Variants in PSD3 observed in about 807,000 individuals in gnomAD.
PSD3 encodes the protein pleckstrin and Sec7 domain containing 3.
PSD3 carries 49 observed loss-of-function variants against 105.5 expected under a neutral mutation model. That is an observed-to-expected ratio of 0.46 (90% CI 0.37 to 0.59). The LOEUF is 0.59. Ranked by LOEUF, PSD3 falls within the 20% of genes least tolerant of loss-of-function variation. The probability of loss-of-function intolerance (pLI) is 0.00; values close to 1 mark genes in which losing one functional copy is unlikely to be tolerated. For synonymous variants in PSD3, 557 were observed against 457.8 expected, an observed-to-expected ratio of 1.22 and a Z score of -2.77; for missense variants, 1,561 against 1,263.8, an observed-to-expected ratio of 1.24 and a Z score of -3.57.
At chr8:18,986,189 T>A (rs1203656506) in intron 1 of PSD3, among the ~76,000 whole-genome samples, 3 of 152,130 alleles carry the variant, frequency 2.0e-5, no homozygotes, top group African/African-American at 7.2e-5. Context: ...TGAAATTGGA[T>A]TAACAGTAGA....
In PSD3 at chr8:18,557,449, G is replaced by A. The variant is rs148381677; in HGVS notation, c.2785-1097C>T. On this transcript the variant is annotated intron_variant, in intron 14 of 15. Transcript: ENST00000327040. ...GAAAACGTGTCCAGAAATTATGAGC[G>A]TCACATATAATATCTTACGGACTTT... The A allele has an allele frequency of 2.5e-3, 386 of 153,956 alleles. 1 individual carries two copies. The highest frequency in any genetic ancestry group is 5.2e-3 in the Middle Eastern group (9 of 1,730). 9.5% of individuals were successfully genotyped at this position (153,956 alleles called of 1,614,324 possible). A position where few individuals can be genotyped will look rare whatever the true frequency, so the allele number is the denominator to read the frequency against.
At chr8:18,633,325 T>C (rs947446931) in intron 10 of PSD3, among the ~76,000 whole-genome samples, 7 of 152,042 alleles carry the variant, frequency 4.6e-5, no homozygotes, top group African/African-American at 1.7e-4. Flanking sequence ...GGCTAGTCCC[T>C]AATATTAAAA....
In PSD3 at chr8:18,858,231, G is replaced by A. The variant is rs28629782; in HGVS notation, c.1634+9443C>T. On this transcript the variant is annotated intron_variant, in intron 4 of 15. Transcript: ENST00000327040. Reference sequence around the variant, plus strand: ...TGGTGCCTATAAGAGTTAGGTTTACGCTGTAGTTTCTCAGTGTGCAACGGT... The same window carrying A: ...TGGTGCCTATAAGAGTTAGGTTTACACTGTAGTTTCTCAGTGTGCAACGGT... Among the ~76,000 whole-genome samples, 743 of 152,128 alleles carry A rather than the reference G, an allele frequency of 4.9e-3. 19 individuals carry two copies. Among genetic ancestry groups the A allele is most frequent in the Admixed American group, 0.043 (661 of 15,298 alleles).
chr8:18,946,405 T>C (rs1406266135), intron 1 of PSD3, among the ~76,000 whole-genome samples: 2 of 151,828 alleles, frequency 1.3e-5, no homozygotes, highest in African/African-American at 4.8e-5. Flanking sequence ...GCCAGACCCC[T>C]GTCCAAAAAA....
intron 4 of PSD3, among the ~76,000 whole-genome samples, chr8:18,861,511 G>A (rs1816447012): frequency 1.3e-5 from 2 of 151,904 alleles, no homozygotes; most frequent in Non-Finnish European, 2.9e-5. Context: ...CCTCCAATTT[G>A]ACCTCTTTAT....
chr8:18,547,989 C>A (rs1346393569), intron 15 of PSD3, among the ~76,000 whole-genome samples: 1 of 152,098 alleles, frequency 6.6e-6, no homozygotes, highest in African/African-American at 2.4e-5. Flanking sequence ...TTCTCCCTTC[C>A]TTTTCATTCT....
At chr8:18,749,313 C>T (rs1805286931) in intron 9 of PSD3, among the ~76,000 whole-genome samples, 1 of 152,204 alleles carries the variant, frequency 6.6e-6, no homozygotes. Flanking sequence ...CTCTATAGCA[C>T]CCATCGGAAC....
At chr8:18,776,390 T>G (rs564690283) in intron 8 of PSD3, among the ~76,000 whole-genome samples, 53 of 148,304 alleles carry the variant, frequency 3.6e-4, no homozygotes, top group African/African-American at 8.8e-4. Flanking sequence ...ATAATTTTTT[T>G]TTTTTGTTTT....
chr8:19,027,891 C>T (rs900600193), intron 1 of PSD3, among the ~76,000 whole-genome samples: 1 of 152,168 alleles, frequency 6.6e-6, no homozygotes, highest in African/African-American at 2.4e-5. Context: ...AAATAAAATG[C>T]TATGAACATC....
In PSD3 at chr8:18,629,385, C is replaced by T. The variant is rs143492485; in HGVS notation, c.2410+3228G>A. On this transcript the variant is annotated intron_variant, in intron 11 of 15. Coordinates refer to ENST00000327040, the MANE Select transcript of PSD3 (RefSeq NM_015310.4). ...CTGAAAAGAAATGAAAACATATGTACGTGCAAAAACTTATATGTGAATGTC... is the reference window on the plus strand; with the variant it reads ...CTGAAAAGAAATGAAAACATATGTATGTGCAAAAACTTATATGTGAATGTC... Among the ~76,000 whole-genome samples, 459 of 151,960 alleles carry T rather than the reference C, an allele frequency of 3.0e-3. 4 individuals are homozygous for T. The highest frequency in any genetic ancestry group is 9.9e-3 in the African/African-American group (409 of 41,476).
intron 1 of PSD3, among the ~76,000 whole-genome samples, chr8:19,066,937 T>A (rs1215953677): frequency 2.0e-5 from 3 of 152,244 alleles, no homozygotes; most frequent in Non-Finnish European, 2.9e-5. Flanking sequence ...ATCATTTTTT[T>A]ATTATTTATT....
At chr8:18,899,094 A>G (rs1432242686) in intron 2 of PSD3, among the ~76,000 whole-genome samples, 1 of 152,146 alleles carries the variant, frequency 6.6e-6, no homozygotes, top group East Asian at 1.9e-4. Context: ...ATTCTGCCAG[A>G]TTATCTCATG....
intron 12 of PSD3, among the ~76,000 whole-genome samples, chr8:18,584,332 T>C (rs1243722003): frequency 6.6e-6 from 1 of 152,212 alleles, no homozygotes; most frequent in Non-Finnish European, 1.5e-5. Flanking sequence ...GGTGAAGTCA[T>C]AACAGTTAGA....
intron 1 of PSD3, among the ~76,000 whole-genome samples, chr8:19,037,553 A>C (rs1264172334): frequency 6.6e-6 from 1 of 152,222 alleles, no homozygotes; most frequent in Non-Finnish European, 1.5e-5. Flanking sequence ...TTCATATTCA[A>C]ATTGGTAGAC....
chr8:18,661,932 G>A (rs1029718374), intron 9 of PSD3, among the ~76,000 whole-genome samples: 4 of 152,064 alleles, frequency 2.6e-5, no homozygotes, highest in African/African-American at 9.7e-5. Context: ...ATATTCATAA[G>A]CAACCTGGTC....
chr8:18,879,815 C>G (rs1818000524), intron 2 of PSD3, among the ~76,000 whole-genome samples: 1 of 127,754 alleles, frequency 7.8e-6, no homozygotes, highest in African/African-American at 3.1e-5. Context: ...CCAGACTGGT[C>G]TCGAACTCCT....
intron 15 of PSD3, among the ~76,000 whole-genome samples, chr8:18,537,039 A>G (rs1168942311): frequency 6.6e-6 from 1 of 152,164 alleles, no homozygotes; most frequent in African/African-American, 2.4e-5. Flanking sequence ...TGTACGTGTC[A>G]GTTTTAAGTT....
intron 9 of PSD3, among the ~76,000 whole-genome samples, chr8:18,704,638 C>A (rs772088461): frequency 6.6e-5 from 10 of 152,164 alleles, no homozygotes; most frequent in Non-Finnish European, 8.8e-5. Flanking sequence ...CCATGTCTGG[C>A]CCCAATAAGA....
At chr8:18,541,076 A>C (rs565926431) in intron 15 of PSD3, among the ~76,000 whole-genome samples, 16 of 151,972 alleles carry the variant, frequency 1.1e-4, no homozygotes, top group South Asian at 2.1e-4. Context: ...GGCCATCAAA[A>C]TCTAAAACTG....
Sources: gnomAD v4.1 joint callset for allele counts (sites outside exome capture counted in the v4.1 genomes callset) on GRCh38, gnomAD v4.1.1 for gene constraint, MANE v1.5 for transcripts, NCBI Gene and HGNC (gene_info 2026-07-23, HGNC 2026-07-21) for gene names.